ABCA10: variants seen among roughly 807,000 people sequenced by gnomAD.
ABCA10 encodes the protein ATP binding cassette subfamily A member 10, also known as ATP-binding cassette sub-family A member 10.
In ABCA10, 169 loss-of-function variants were observed where a neutral mutation model predicts 187.5. That is an observed-to-expected ratio of 0.90 (90% CI 0.80 to 1.02). The LOEUF is 1.02. Ranked by LOEUF, ABCA10 falls within the 50% of genes least tolerant of loss-of-function variation. The probability of loss-of-function intolerance (pLI) is 0.00; values close to 1 mark genes in which losing one functional copy is unlikely to be tolerated. For synonymous variants in ABCA10, 574 were observed against 601.8 expected (o/e 0.95, Z 0.68); for missense variants, 1,727 against 1,812.4 (o/e 0.95, Z 0.86).
Position 69,162,808 on chromosome 17 carries a change from TATATACATATAC to T in ABCA10, c.3363+1254_3363+1265del, listed in dbSNP as rs1189322907. ...TGGGGTTTATGTTGAAAAAATTACA[TATATACATATAC>T]ATATACATATACATATACATATATA... is the stretch of plus-strand genomic sequence containing the variant. On this transcript the variant is annotated intron_variant, in intron 27 of 38. Transcript: ENST00000690296. Among the ~76,000 whole-genome samples the T allele has an allele frequency of 2.8e-3, 350 of 126,290 alleles. 1 individual carries two copies. The highest frequency in any genetic ancestry group is 0.011 in the African/African-American group (323 of 30,482). 82.9% of individuals were successfully genotyped at this position (126,290 alleles called of 152,430 possible).
In ABCA10 at chr17:69,193,193, A is replaced by G. The variant is rs764341136; in HGVS notation, c.1697T>C (p.Val566Ala). The G allele has an allele frequency of 6.2e-7, 1 of 1,614,100 alleles. No homozygotes were observed. Among genetic ancestry groups the G allele is most frequent in the South Asian group, 1.1e-5 (1 of 91,056 alleles). Reference sequence around the variant, plus strand: ...TTTATGCTCCTTCAGGAGGCTCCACACTCGGTGTCTTGAAAAGGGATCCAA... The same window carrying G: ...TTTATGCTCCTTCAGGAGGCTCCACGCTCGGTGTCTTGAAAAGGGATCCAA... Reference protein sequence around the residue: ...AGLDPFSRHRVWSLLKEHKVD... With the variant: ...AGLDPFSRHRAWSLLKEHKVD... The change falls in exon 15 of 39, where the codon GTG (valine) becomes GCG (alanine). Residue 566 changes from valine (V) to alanine (A), a missense_variant. Coordinates refer to ENST00000690296, the MANE Select transcript of ABCA10 (RefSeq NM_001377321.1).
At chr17:69,243,816 T>G (rs2074921973) in intron 1 of ABCA10, among the ~76,000 whole-genome samples, 4 of 152,224 alleles carry the variant, frequency 2.6e-5, no homozygotes, top group Admixed American at 2.6e-4. Context: ...GAGGATCACC[T>G]GAGCCTGGGA....
At chr17:69,170,212 C>T (rs947545879) in intron 25 of ABCA10, among the ~76,000 whole-genome samples, 3 of 151,414 alleles carry the variant, frequency 2.0e-5, no homozygotes, top group Admixed American at 6.6e-5. Flanking sequence ...CACTTGAACC[C>T]GCGAGGTGAA....
chr17:69,204,077 C>T (rs1048824646), intron 9 of ABCA10, among the ~76,000 whole-genome samples: 1 of 152,140 alleles, frequency 6.6e-6, no homozygotes, highest in Non-Finnish European at 1.5e-5. Flanking sequence ...CACCAGGCAC[C>T]TATAGAGGGG....
chr17:69,240,967 C>A (rs1050368180), intron 1 of ABCA10, among the ~76,000 whole-genome samples: 1 of 152,196 alleles, frequency 6.6e-6, no homozygotes, highest in Non-Finnish European at 1.5e-5. Flanking sequence ...TGACTCTCAG[C>A]TTGTGAATGG....
intron 3 of ABCA10, among the ~76,000 whole-genome samples, chr17:69,223,353 C>T (rs2074766048): frequency 1.3e-5 from 2 of 152,034 alleles, no homozygotes; most frequent in African/African-American, 2.4e-5. Context: ...TATAGTCTAC[C>T]TACAGATTCT....
intron 18 of ABCA10, among the ~76,000 whole-genome samples, chr17:69,188,449 C>A (rs1452803060): frequency 6.6e-6 from 1 of 151,076 alleles, no homozygotes; most frequent in African/African-American, 2.4e-5. Context: ...GAATTTAAAA[C>A]AATATAATTC....
rs2074811505 is a variant in ABCA10, at chr17:69,228,659, C to A, written c.-391G>T. 6.6e-6 allele frequency: 1 copy of A among 151,906 alleles called. No individual in the cohort carries two copies. The highest frequency in any genetic ancestry group is 2.1e-4 in the South Asian group (1 of 4,830). The allele number at this position is 151,906 out of a possible 1,614,324, so 9.4% of individuals were successfully genotyped here. A position where few individuals can be genotyped will look rare whatever the true frequency, so the allele number is the denominator to read the frequency against. On this transcript the variant is annotated 5_prime_UTR_variant, in exon 1 of 39. Coordinates refer to ENST00000690296, the MANE Select transcript of ABCA10 (RefSeq NM_001377321.1). ...TTTGTCCAAGAAAACAATGAAGAAT[C>A]CTTCAAGGACTCCTCTACAAATGGT...
rs373432999 is a variant in ABCA10, at chr17:69,215,806, T to C, written c.858+9A>G. The C allele has an allele frequency of 2.0e-6, 3 of 1,482,356 alleles. No individual in the cohort carries two copies. In the African/African-American group the frequency reaches 4.4e-5, roughly 22 times the overall value. The allele number at this position is 1,482,356 out of a possible 1,614,324, so 91.8% of individuals were successfully genotyped here. On this transcript the variant is annotated intron_variant, in intron 8 of 38. Transcript: ENST00000690296. ...TAATAATAAAATCTTGAAATAATTATGTTCTTACCTGGGCCATTCCAGCAG... is the reference window on the plus strand; with the variant it reads ...TAATAATAAAATCTTGAAATAATTACGTTCTTACCTGGGCCATTCCAGCAG...
At chr17:69,179,199 AC>A (rs1490467810) in intron 22 of ABCA10, among the ~76,000 whole-genome samples, 22 of 83,858 alleles carry the variant, frequency 2.6e-4, no homozygotes, top group Admixed American at 1.3e-3. Context: ...AAACAAAAAA[AC>A]AAAACAAACA....
At chr17:69,185,325 TAAAAA>T in intron 20 of ABCA10, 147 bp downstream of exon 20, 1 of 743,376 alleles carries the variant, frequency 1.3e-6, no homozygotes, top group Non-Finnish European at 2.0e-6. Context: ...TAAAAAATAT[TAAAAA>T]AGAAAATTAA....
chr17:69,157,397 G>A (rs929385592), intron 27 of ABCA10, among the ~76,000 whole-genome samples: 10 of 152,086 alleles, frequency 6.6e-5, no homozygotes, highest in Non-Finnish European at 4.4e-5. Flanking sequence ...TCTAATAAAG[G>A]ATGGACCTCA....
At chr17:69,229,448 C>CT (rs1030664605), upstream of ABCA10, among the ~76,000 whole-genome samples, 5 of 151,808 alleles carry the variant, frequency 3.3e-5, no homozygotes, top group East Asian at 5.8e-4. Context: ...GATTTTGTTA[C>CT]TTTTTTTTCA....
rs781335134 is a variant in ABCA10, at chr17:69,191,184, T to C, written c.2003A>G (p.Lys668Arg). Reference sequence around the variant, plus strand: ...ATTACACAGTAAGTTACCTGGAAATTTGTTCGTTTTTTCCAAAGGCAAACT... The same window carrying C: ...ATTACACAGTAAGTTACCTGGAAATCTGTTCGTTTTTTCCAAAGGCAAACT... ...VYSLPLEKTNKFPDLYSDLDK... is the reference protein window; with the variant it reads ...VYSLPLEKTNRFPDLYSDLDK... Residue 668 changes from lysine to arginine, a missense_variant, in exon 17 of 39, where the codon AAA becomes AGA. Physicochemically the swap from Lys to Arg is conservative, Grantham distance 26. Coordinates refer to ENST00000690296, the MANE Select transcript of ABCA10 (RefSeq NM_001377321.1). 1.3e-6 allele frequency: 2 copies of C among 1,591,446 alleles called. No homozygotes were observed. The highest frequency in any genetic ancestry group is 1.1e-5 in the South Asian group (1 of 87,006).
At chr17:69,207,865 T>C (rs1472171593) in intron 9 of ABCA10, among the ~76,000 whole-genome samples, 1 of 152,142 alleles carries the variant, frequency 6.6e-6, no homozygotes, top group Non-Finnish European at 1.5e-5. Flanking sequence ...TTGTACAACA[T>C]GTTGACTACA....
At chr17:69,173,464 C>A (rs1163704871) in intron 25 of ABCA10, among the ~76,000 whole-genome samples, 1 of 152,096 alleles carries the variant, frequency 6.6e-6, no homozygotes, top group Non-Finnish European at 1.5e-5. Flanking sequence ...AATCCCTTCA[C>A]CCTGTCCACA....
intron 9 of ABCA10, among the ~76,000 whole-genome samples, chr17:69,211,339 A>ATGTG (rs1568070338): frequency 3.3e-5 from 4 of 121,914 alleles, no homozygotes; most frequent in South Asian, 2.6e-4. Flanking sequence ...ATATATATAT[A>ATGTG]TATATATATA....
intron 22 of ABCA10, among the ~76,000 whole-genome samples, chr17:69,178,554 C>T (rs1267940252): frequency 6.6e-6 from 1 of 152,118 alleles, no homozygotes; most frequent in Admixed American, 6.5e-5. Flanking sequence ...GTGGAAGCAC[C>T]TCTGGTCTAT....
intron 9 of ABCA10, among the ~76,000 whole-genome samples, chr17:69,211,360 T>TATATATATATAC: frequency 3.3e-5 from 1 of 30,480 alleles, no homozygotes; most frequent in East Asian, 6.2e-4. Flanking sequence ...TATATATATA[T>TATATATATATAC]ACACACACAC....
Sources: allele counts gnomAD v4.1 joint callset (sites outside exome capture counted in the v4.1 genomes callset), GRCh38; gene constraint gnomAD v4.1.1; transcripts MANE v1.5; gene names NCBI Gene and HGNC (gene_info 2026-07-23, HGNC 2026-07-21).